Variants in EGLN1 observed in about 807,000 individuals in gnomAD.
EGLN1 encodes the protein egl nine homolog 1.
Under a neutral mutation model 38.3 loss-of-function variants are expected in EGLN1, and 17 were observed. The ratio of observed to expected loss-of-function variants is 0.44; its 90% CI spans 0.30 to 0.67. The LOEUF (loss-of-function observed/expected upper bound fraction) is 0.67, where lower values mean the gene tolerates loss of function less well. EGLN1 is among the 30% of genes least tolerant of loss of function. EGLN1 has a pLI of 0.08. For missense variants in EGLN1, 477 were observed against 603.3 expected, an observed-to-expected ratio of 0.79 and a Z score of 2.19; for synonymous variants, 283 against 257.5, an observed-to-expected ratio of 1.10 and a Z score of -0.95.
chr1:231,385,656 CAG>C (rs1339606025), intron 1 of EGLN1, among the ~76,000 whole-genome samples: 2 of 152,148 alleles, frequency 1.3e-5, no homozygotes, highest in African/African-American at 4.8e-5. Context: ...TAGTGGGTAA[CAG>C]GGAGCCACTG....
At chr1:231,408,967 T>C (rs547161048) in intron 1 of EGLN1, among the ~76,000 whole-genome samples, 1 of 152,050 alleles carries the variant, frequency 6.6e-6, no homozygotes, top group African/African-American at 2.4e-5. Context: ...TGAAATGTTC[T>C]TTATAAAAAA....
intron 1 of EGLN1, among the ~76,000 whole-genome samples, chr1:231,411,143 T>C (rs988065539): frequency 3.9e-5 from 6 of 152,168 alleles, no homozygotes; most frequent in African/African-American, 1.2e-4. Context: ...ATAATCCCCA[T>C]TGTCAGGGGA....
chr1:231,376,890 G>C (rs1189907368), intron 1 of EGLN1, among the ~76,000 whole-genome samples: 1 of 152,176 alleles, frequency 6.6e-6, no homozygotes, highest in African/African-American at 2.4e-5. Context: ...AACAAGGCAG[G>C]AAAGAGCAGC....
At chr1:231,379,635 C>A (rs904512417) in intron 1 of EGLN1, among the ~76,000 whole-genome samples, 1 of 152,298 alleles carries the variant, frequency 6.6e-6, no homozygotes, top group Middle Eastern at 3.4e-3. Flanking sequence ...TGCACTCACA[C>A]ACACCCATAT....
At chr1:231,381,573 T>C (rs1217907229) in intron 1 of EGLN1, among the ~76,000 whole-genome samples, 9 of 152,128 alleles carry the variant, frequency 5.9e-5, no homozygotes. Flanking sequence ...AACTTAAATA[T>C]ACACTTAAAA....
chr1:231,402,356 C>T (rs977995612), intron 1 of EGLN1, among the ~76,000 whole-genome samples: 1 of 151,044 alleles, frequency 6.6e-6, no homozygotes, highest in African/African-American at 2.4e-5. Flanking sequence ...TTTTTATGTC[C>T]TAAAAAATAT....
intron 1 of EGLN1, among the ~76,000 whole-genome samples, chr1:231,390,895 T>A (rs564689239): frequency 6.6e-6 from 1 of 152,000 alleles, no homozygotes; most frequent in East Asian, 1.9e-4. Flanking sequence ...TCCCCCAGGC[T>A]GGAGATCAGT....
rs1050100683 is a variant in EGLN1, at chr1:231,393,230, A to T, written c.892-19131T>A. On this transcript the variant is annotated intron_variant, in intron 1 of 4. Transcript: ENST00000366641. ...TTGGTTCCAACTCTGCCAGTCAATC[A>T]GCAGACCCATAGGTAAGGACCAATA... is the stretch of plus-strand genomic sequence containing the variant. Among the ~76,000 whole-genome samples the T allele has an allele frequency of 4.6e-5, 7 of 152,236 alleles. 1 individual carries two copies. Among genetic ancestry groups the T allele is most frequent in the African/African-American group, 1.7e-4 (7 of 41,460 alleles).
intron 1 of EGLN1, among the ~76,000 whole-genome samples, chr1:231,397,886 C>G (rs374062849): frequency 6.6e-6 from 1 of 152,060 alleles, no homozygotes; most frequent in South Asian, 2.1e-4. Flanking sequence ...TGAGATAAGA[C>G]AGATGAAATG....
chr1:231,369,792 A>C (rs1316324720), intron 3 of EGLN1, among the ~76,000 whole-genome samples: 1 of 152,226 alleles, frequency 6.6e-6, no homozygotes, highest in Admixed American at 6.5e-5. Context: ...GAAGCTCACT[A>C]TCAGAATGTT....
intron 1 of EGLN1, among the ~76,000 whole-genome samples, chr1:231,380,302 CGA>C (rs1261616265): frequency 5.6e-5 from 7 of 125,438 alleles, no homozygotes; most frequent in Non-Finnish European, 1.1e-4. Flanking sequence ...GGCGACAGAG[CGA>C]GACTCCGTCT....
chr1:231,373,296 G>T (rs1687874145), intron 2 of EGLN1, among the ~76,000 whole-genome samples: 1 of 151,900 alleles, frequency 6.6e-6, no homozygotes, highest in Non-Finnish European at 1.5e-5. Context: ...AAAATGCCAA[G>T]AATAACATAG....
At chr1:231,379,824 C>A (rs1490050885) in intron 1 of EGLN1, among the ~76,000 whole-genome samples, 2 of 152,158 alleles carry the variant, frequency 1.3e-5, no homozygotes, top group African/African-American at 4.8e-5. Context: ...AACATTATAA[C>A]AAAACGACAC....
intron 1 of EGLN1, 115 bp downstream of exon 1, chr1:231,420,883 G>A: frequency 6.3e-7 from 1 of 1,597,832 alleles, no homozygotes; most frequent in Non-Finnish European, 8.5e-7. Flanking sequence ...ACAAGAAAGA[G>A]CGAGTCCCTT....
intron 1 of EGLN1, among the ~76,000 whole-genome samples, chr1:231,389,414 A>T (rs78172021): frequency 0.54 from 81,687 of 150,722 alleles, 23,636 homozygotes; most frequent in Non-Finnish European, 0.65. Flanking sequence ...ATGAAAAAAA[A>T]TTTTTTTTTA....
At chr1:231,413,196 C>A (rs925150359) in intron 1 of EGLN1, among the ~76,000 whole-genome samples, 1 of 152,146 alleles carries the variant, frequency 6.6e-6, no homozygotes, top group Admixed American at 6.5e-5. Context: ...CTGCCTCAGC[C>A]TCCAGAGTAG....
intron 2 of EGLN1, among the ~76,000 whole-genome samples, 198 bp downstream of exon 2, chr1:231,373,782 C>G (rs1049013891): frequency 6.6e-6 from 1 of 152,050 alleles, no homozygotes; most frequent in African/African-American, 2.4e-5. Flanking sequence ...TTGTTAACTA[C>G]AGGTATCATG....
chr1:231,415,705 T>TA (rs1255679364), intron 1 of EGLN1, among the ~76,000 whole-genome samples: 1 of 152,192 alleles, frequency 6.6e-6, no homozygotes, highest in Non-Finnish European at 1.5e-5. Flanking sequence ...CCTGAGAAGC[T>TA]AAAAACACAG....
In EGLN1 at chr1:231,363,879, G is replaced by A. The variant is rs1687564906; in HGVS notation, c.*2532C>T. 6.6e-6 allele frequency: 1 copy of A among 152,098 alleles called. No homozygotes were observed. The highest frequency in any genetic ancestry group is 6.5e-5 in the Admixed American group (1 of 15,272). 9.4% of individuals were successfully genotyped at this position (152,098 alleles called of 1,614,324 possible). A position where few individuals can be genotyped will look rare whatever the true frequency, so the allele number is the denominator to read the frequency against. On this transcript the variant is annotated 3_prime_UTR_variant, in exon 5 of 5. Coordinates refer to ENST00000366641, the MANE Select transcript of EGLN1 (RefSeq NM_022051.3). ...TATAGTCTATCTGTATATGAATCCT[G>A]AAAATCTTTGCCTACTCTTGATAAA...
Sources: allele counts gnomAD v4.1 joint callset (sites outside exome capture counted in the v4.1 genomes callset), GRCh38; gene constraint gnomAD v4.1.1; transcripts MANE v1.5; gene names NCBI Gene and HGNC (gene_info 2026-07-23, HGNC 2026-07-21).